Variants in RORA observed in about 807,000 individuals in gnomAD.
RORA encodes the protein RAR related orphan receptor A, also known as nuclear receptor ROR-alpha.
RORA carries 7 observed loss-of-function variants against 69.5 expected under a neutral mutation model. That is an observed-to-expected ratio of 0.10 (90% CI 0.06 to 0.19). The LOEUF is 0.19. RORA is among the 10% of genes least tolerant of loss of function. RORA has a pLI of 1.00. For synonymous variants in RORA, 261 were observed against 240.8 expected, an observed-to-expected ratio of 1.08 and a Z score of -0.78; for missense variants, 457 against 663.0, an observed-to-expected ratio of 0.69 and a Z score of 3.41.
intron 1 of RORA, among the ~76,000 whole-genome samples, chr15:61,085,474 A>G (rs1336461848): frequency 6.6e-6 from 1 of 152,236 alleles, no homozygotes; most frequent in Non-Finnish European, 1.5e-5. Flanking sequence ...TCATCATCCG[A>G]AGACCTTGTT....
At chr15:60,831,550 T>C (rs990208104) in intron 1 of RORA, among the ~76,000 whole-genome samples, 1 of 152,196 alleles carries the variant, frequency 6.6e-6, no homozygotes, top group Non-Finnish European at 1.5e-5. Context: ...GTGAGTCTCC[T>C]AGAAGCTCAC....
At chr15:61,188,204 A>G (rs1230259773) in intron 1 of RORA, among the ~76,000 whole-genome samples, 1 of 152,128 alleles carries the variant, frequency 6.6e-6, no homozygotes, top group Non-Finnish European at 1.5e-5. Flanking sequence ...GGGGATAGGG[A>G]AACTCTGCAA....
chr15:60,531,693 G>T lies in RORA; in HGVS notation c.282+73C>A, dbSNP rs1045361050. The T allele has an allele frequency of 1.3e-6, 1 of 780,498 alleles. No individual in the cohort carries two copies. The highest frequency in any genetic ancestry group is 2.9e-5 in the Admixed American group (1 of 34,810). The allele number at this position is 780,498 out of a possible 1,614,324, so 48.3% of individuals were successfully genotyped here. On this transcript the variant is annotated intron_variant, in intron 3 of 10. Coordinates refer to ENST00000335670, the MANE Select transcript of RORA (RefSeq NM_134261.3). This position sits in a 1 kb window ranked among gnomAD's most constrained non-coding sequence, Gnocchi z 4.8. ...TAAGGAGTTGAATTTTAAGACATAA[G>T]TGGAGACATACAAATCACAAAGATA...
intron 2 of RORA, among the ~76,000 whole-genome samples, chr15:60,607,083 CAAAG>C (rs1449151380): frequency 1.3e-5 from 2 of 151,934 alleles, no homozygotes; most frequent in African/African-American, 4.8e-5. Flanking sequence ...CTCATAGGCG[CAAAG>C]AGAGACAATA....
chr15:61,059,988 G>A (rs811945), intron 1 of RORA, among the ~76,000 whole-genome samples: 2,754 of 85,376 alleles, frequency 0.032, 73 homozygotes, highest in African/African-American at 0.065. Context: ...AAGAGGAAGA[G>A]GAAGAAGAAG....
chr15:60,979,268 C>CTTTT (rs767729204), intron 1 of RORA, among the ~76,000 whole-genome samples: 1,002 of 63,556 alleles, frequency 0.016, 71 homozygotes, highest in African/African-American at 0.025. Context: ...CTAGCCCTTG[C>CTTTT]TTTTTTTTTT....
chr15:61,218,890 G>C (rs2140945160), intron 1 of RORA, among the ~76,000 whole-genome samples: 1 of 152,290 alleles, frequency 6.6e-6, no homozygotes, highest in East Asian at 1.9e-4. Context: ...CTCTAGACAA[G>C]GTACAGCCTT....
At chr15:61,013,414 G>A (rs745792077) in intron 1 of RORA, among the ~76,000 whole-genome samples, 5 of 152,172 alleles carry the variant, frequency 3.3e-5, no homozygotes, top group Admixed American at 1.3e-4. Context: ...CTTCTGCTCC[G>A]GATGACTGCT....
chr15:60,996,633 G>A (rs28479454), intron 1 of RORA, among the ~76,000 whole-genome samples: 4,644 of 152,174 alleles, frequency 0.031, 81 homozygotes, highest in East Asian at 0.049. Context: ...TCTTCAGGCC[G>A]GGCACGATGG....
intron 1 of RORA, among the ~76,000 whole-genome samples, chr15:60,947,688 T>TAAAAAAAAAAAAAAA (rs35887206): frequency 5.8e-5 from 6 of 102,942 alleles, no homozygotes; most frequent in African/African-American, 8.5e-5. Flanking sequence ...GAATGATCAA[T>TAAAAAAAAAAAAAAA]AAAAAAAAAA....
chr15:61,031,947 A>T (rs58993037), intron 1 of RORA, among the ~76,000 whole-genome samples: 2,411 of 152,284 alleles, frequency 0.016, 63 homozygotes, highest in African/African-American at 0.053. Context: ...TGGAAGATAT[A>T]TGTTCCTCCT....
intron 1 of RORA, among the ~76,000 whole-genome samples, chr15:61,171,334 C>T (rs1315418237): frequency 1.3e-5 from 2 of 152,162 alleles, no homozygotes; most frequent in Non-Finnish European, 2.9e-5. Context: ...GCTTCTGGGG[C>T]AATGGTTCTC....
At chr15:61,118,069 G>A (rs771579173) in intron 1 of RORA, among the ~76,000 whole-genome samples, 1 of 152,174 alleles carries the variant, frequency 6.6e-6, no homozygotes, top group Non-Finnish European at 1.5e-5. Context: ...ACAGAGAAAT[G>A]CTAGATATGG....
At chr15:60,528,071 T>C (rs2066417422) in intron 3 of RORA, 2 of 152,554 alleles carry the variant, frequency 1.3e-5, no homozygotes, top group South Asian at 2.1e-4. Flanking sequence ...TTCTTTTTTT[T>C]TGAGACAGGG....
At chr15:60,941,413 A>C (rs549662154) in intron 1 of RORA, among the ~76,000 whole-genome samples, 1 of 152,354 alleles carries the variant, frequency 6.6e-6, no homozygotes, top group Admixed American at 6.5e-5. Flanking sequence ...TTTAGCTATT[A>C]GGACCCCAGG....
At chr15:60,816,159 T>C (rs2072814532) in intron 1 of RORA, among the ~76,000 whole-genome samples, 1 of 92,404 alleles carries the variant, frequency 1.1e-5, no homozygotes, top group African/African-American at 4.4e-5. Context: ...TATATGTATT[T>C]ATATACTGTA....
intron 1 of RORA, among the ~76,000 whole-genome samples, chr15:60,695,889 A>T (rs1756503361): frequency 6.6e-6 from 1 of 152,160 alleles, no homozygotes; most frequent in Non-Finnish European, 1.5e-5. Flanking sequence ...CTCAGTCAGG[A>T]GCATCAGTCG....
At chr15:60,519,740 T>C (rs28402678) in intron 3 of RORA, among the ~76,000 whole-genome samples, 4,184 of 152,232 alleles carry the variant, frequency 0.027, 197 homozygotes, top group African/African-American at 0.096. Context: ...AAAATCAGTC[T>C]CATGAGTCCA....
intron 2 of RORA, among the ~76,000 whole-genome samples, chr15:60,536,155 C>T (rs2066671361): frequency 6.6e-6 from 1 of 152,178 alleles, no homozygotes; most frequent in Admixed American, 6.5e-5. Context: ...GGGCAGATTA[C>T]TTAACCTCTC....
Sources: gnomAD v4.1 joint callset for allele counts (sites outside exome capture counted in the v4.1 genomes callset) on GRCh38, gnomAD v4.1.1 for gene constraint, Gnocchi (gnomAD v3.1) non-coding constraint, MANE v1.5 for transcripts, NCBI Gene and HGNC (gene_info 2026-07-23, HGNC 2026-07-21) for gene names.